GGH: variants seen among roughly 807,000 people sequenced by gnomAD.
GGH encodes the protein gamma-Glu-X carboxypeptidase.
GGH carries 18 observed loss-of-function variants against 39.2 expected under a neutral mutation model. The observed-to-expected ratio is 0.46, with a 90% CI of 0.32 to 0.68. The LOEUF is 0.68. GGH is among the 30% of genes least tolerant of loss of function. The pLI is 0.04. For missense variants in GGH, 367 were observed against 384.1 expected, an observed-to-expected ratio of 0.96 and a Z score of 0.37; for synonymous variants, 147 against 138.8, an observed-to-expected ratio of 1.06 and a Z score of -0.42.
intron 3 of GGH, among the ~76,000 whole-genome samples, chr8:63,027,472 G>C (rs901595412): frequency 1.3e-5 from 2 of 152,156 alleles, no homozygotes; most frequent in Non-Finnish European, 2.9e-5. Flanking sequence ...CAACACTTTA[G>C]TGCATATTTT....
intron 8 of GGH, 79 bp from the exon 9 acceptor site, chr8:63,015,532 C>A: frequency 1.2e-6 from 1 of 846,078 alleles, no homozygotes; most frequent in Non-Finnish European, 1.8e-6. Flanking sequence ...TTTCTTCCTG[C>A]AATCAGCATT....
Position 63,038,776 on chromosome 8 carries a change from G to T in GGH, c.-8C>A. 1 of 1,465,564 alleles carries T rather than the reference G, an allele frequency of 6.8e-7. No homozygotes were observed. Among genetic ancestry groups the T allele is most frequent in the Non-Finnish European group, 9.1e-7 (1 of 1,095,728 alleles). 90.8% of individuals were successfully genotyped at this position (1,465,564 alleles called of 1,614,324 possible). Reference sequence around the variant, plus strand: ...GCAGCCCGGACTGGCCATGGCGCTCGCCGCCTCCCGCCGCCTTTCAAAAGC... The same window carrying T: ...GCAGCCCGGACTGGCCATGGCGCTCTCCGCCTCCCGCCGCCTTTCAAAAGC... On this transcript the variant is annotated 5_prime_UTR_variant, in exon 1 of 9. Coordinates refer to ENST00000260118, the MANE Select transcript of GGH (RefSeq NM_003878.3).
chr8:63,038,625 T>C, intron 1 of GGH, 35 bp downstream of exon 1: 2 of 967,170 alleles, frequency 2.1e-6, no homozygotes, highest in East Asian at 4.3e-5. Flanking sequence ...ACCCAGCTCC[T>C]CCCCGTCTGC....
At chr8:63,020,402 T>A (rs1173171535) in intron 7 of GGH, among the ~76,000 whole-genome samples, 2 of 152,194 alleles carry the variant, frequency 1.3e-5, no homozygotes, top group Non-Finnish European at 2.9e-5. Context: ...TCAACATCTA[T>A]GAGCCCTAGA....
At chr8:63,038,602 G>GGC in intron 1 of GGH, 58 bp downstream of exon 1, 1 of 899,252 alleles carries the variant, frequency 1.1e-6, no homozygotes. Context: ...GGCGGGAGGC[G>GGC]CCCAGCGCCA....
intron 2 of GGH, 32 bp downstream of exon 2, chr8:63,035,624 A>C: frequency 6.4e-7 from 1 of 1,563,768 alleles, no homozygotes; most frequent in Non-Finnish European, 8.6e-7. Context: ...TTTTATACAG[A>C]GTAAAAAAAA....
intron 2 of GGH, among the ~76,000 whole-genome samples, chr8:63,035,162 C>T (rs953882554): frequency 2.0e-5 from 3 of 152,120 alleles, no homozygotes; most frequent in Non-Finnish European, 4.4e-5. Flanking sequence ...CCTCTAATGA[C>T]GTTACAGGTA....
chr8:63,038,778 C>T lies in GGH; in HGVS notation c.-10G>A, dbSNP rs1357996231. On this transcript the variant is annotated 5_prime_UTR_variant, in exon 1 of 9. Transcript: ENST00000260118. The stretch of plus-strand genomic sequence containing the variant: ...AGCCCGGACTGGCCATGGCGCTCGC[C>T]GCCTCCCGCCGCCTTTCAAAAGCTC... 7 of 1,469,956 alleles carry T rather than the reference C, an allele frequency of 4.8e-6. No individual in the cohort carries two copies. Among genetic ancestry groups the T allele is most frequent in the Non-Finnish European group, 5.5e-6 (6 of 1,099,208 alleles). The allele number at this position is 1,469,956 out of a possible 1,614,324, so 91.1% of individuals were successfully genotyped here. A position where few individuals can be genotyped will look rare whatever the true frequency, so the allele number is the denominator to read the frequency against.
chr8:63,038,010 G>C (rs1804943846), intron 1 of GGH, among the ~76,000 whole-genome samples: 1 of 152,190 alleles, frequency 6.6e-6, no homozygotes, highest in Admixed American at 6.5e-5. Context: ...TTTAACCCCA[G>C]GATGATTTCT....
At chr8:63,019,216 A>G (rs2129641980) in intron 7 of GGH, among the ~76,000 whole-genome samples, 1 of 152,370 alleles carries the variant, frequency 6.6e-6, no homozygotes, top group Middle Eastern at 3.4e-3. Context: ...ATTCACATCA[A>G]TTTGCCAGGA....
chr8:63,020,713 G>C (rs143753283), intron 7 of GGH, among the ~76,000 whole-genome samples: 75 of 152,316 alleles, frequency 4.9e-4, no homozygotes, highest in African/African-American at 1.7e-3. Context: ...TGGAGGGACT[G>C]TGTGTAGCAA....
chr8:63,015,515 T>C, intron 8 of GGH, 62 bp from the exon 9 acceptor site: 3 of 1,070,938 alleles, frequency 2.8e-6, no homozygotes, highest in Admixed American at 4.8e-5. Context: ...GAGACTATTT[T>C]ATAATATTTC....
chr8:63,017,407 G>C, intron 8 of GGH, 86 bp downstream of exon 8: 1 of 797,946 alleles, frequency 1.3e-6, no homozygotes, highest in Non-Finnish European at 2.0e-6. Context: ...AACATTTATA[G>C]AGCAAAAGGG....
At chr8:63,018,238 ACTCT>A (rs35671428) in intron 7 of GGH, among the ~76,000 whole-genome samples, 3,961 of 152,036 alleles carry the variant, frequency 0.026, 57 homozygotes, top group Non-Finnish European at 0.039. Flanking sequence ...GGTTCATATT[ACTCT>A]CTCTATGTTT....
At chr8:63,016,598 A>G (rs137897302) in intron 8 of GGH, among the ~76,000 whole-genome samples, 10 of 152,378 alleles carry the variant, frequency 6.6e-5, no homozygotes, top group Admixed American at 6.5e-4. Context: ...AGGTTCTTGT[A>G]GTACTTTTAA....
rs1804647022 is a variant in GGH at position 63,024,326 on chromosome 8, A to C, written c.500-140T>G. On this transcript the variant is annotated intron_variant, in intron 5 of 8. Transcript: ENST00000260118. ...ATGATATGCAAAACACATCATTTCC[A>C]TAGAAGTATTCCAATCAAGTCACAA... is the stretch of plus-strand genomic sequence containing the variant. 5.2e-6 allele frequency: 3 copies of C among 574,390 alleles called. No individual in the cohort carries two copies. In the South Asian group the frequency reaches 7.4e-5, roughly 14 times the overall value. The allele number at this position is 574,390 out of a possible 1,614,324, so 35.6% of individuals were successfully genotyped here. A position where few individuals can be genotyped will look rare whatever the true frequency, so the allele number is the denominator to read the frequency against.
At chr8:63,028,126 T>G (rs968271065) in intron 3 of GGH, 3 of 152,118 alleles carry the variant, frequency 2.0e-5, no homozygotes, top group Non-Finnish European at 4.4e-5. Context: ...GTTTCTTCCA[T>G]GAGCTAGACT....
At chr8:63,017,953 T>G (rs138232635) in intron 7 of GGH, 15 of 201,488 alleles carry the variant, frequency 7.4e-5, no homozygotes, top group African/African-American at 2.8e-4. Flanking sequence ...TACAAGTTTC[T>G]TCCGCAGTGG....
intron 3 of GGH, 139 bp from the exon 4 acceptor site, chr8:63,027,404 TAAAGAAA>T (rs1563668960): frequency 9.6e-6 from 5 of 518,804 alleles, no homozygotes; most frequent in Non-Finnish European, 1.7e-5. Context: ...ATTAGAAAAG[TAAAGAAA>T]AAAGAAAATA....
Sources: allele counts gnomAD v4.1 joint callset (sites outside exome capture counted in the v4.1 genomes callset), GRCh38; gene constraint gnomAD v4.1.1; transcripts MANE v1.5; gene names NCBI Gene and HGNC (gene_info 2026-07-23, HGNC 2026-07-21).